The following C11orf65 variants were observed in gnomAD, a reference collection of about 807,000 sequenced individuals.
The protein encoded by C11orf65 is chromosome 11 open reading frame 65.
In C11orf65, 38 loss-of-function variants were observed where a neutral mutation model predicts 35.3. That is an observed-to-expected ratio of 1.08 (90% CI 0.83 to 1.41). The LOEUF (loss-of-function observed/expected upper bound fraction) is 1.41. Ranked by LOEUF, C11orf65 falls within the 40% of genes most tolerant of loss-of-function variation. The pLI is 0.00. For synonymous variants in C11orf65, 105 were observed against 114.4 expected (o/e 0.92, Z 0.53); for missense variants, 370 against 367.1 (o/e 1.01, Z -0.06).
intron 2 of C11orf65, among the ~76,000 whole-genome samples, chr11:108,447,114 A>C (rs948977023): frequency 3.9e-5 from 6 of 152,102 alleles, no homozygotes; most frequent in African/African-American, 1.5e-4. Context: ...CCAATACAGG[A>C]GCACCAAGAT....
At chr11:108,402,559 A>T (rs2092457376) in intron 6 of C11orf65, among the ~76,000 whole-genome samples, 1 of 148,644 alleles carries the variant, frequency 6.7e-6, no homozygotes, top group African/African-American at 2.5e-5. Context: ...CAGGTTTTTA[A>T]TTTTTTTTTT....
chr11:108,330,615 A>G (rs1299016351), downstream of C11orf65, among the ~76,000 whole-genome samples: 2 of 152,222 alleles, frequency 1.3e-5, no homozygotes, highest in Non-Finnish European at 2.9e-5. Context: ...TCTTGTTTCT[A>G]CAAAAGTTCC....
chr11:108,334,924 A>G, intron 3 of C11orf65: 1 of 1,578,958 alleles, frequency 6.3e-7, no homozygotes, highest in Non-Finnish European at 8.7e-7. Context: ...TTAAGTGCAA[A>G]TAGTGTATCT....
At chr11:108,344,542 C>G (rs925997844) in intron 2 of C11orf65, among the ~76,000 whole-genome samples, 3 of 152,076 alleles carry the variant, frequency 2.0e-5, no homozygotes, top group Non-Finnish European at 2.9e-5. Flanking sequence ...ATCAGACTTG[C>G]ATTTTAGAAA....
intron 2 of C11orf65, chr11:108,347,169 T>C: frequency 2.3e-6 from 2 of 887,314 alleles, no homozygotes; most frequent in Non-Finnish European, 3.7e-6. Context: ...CTAAAAATCC[T>C]AAACTACTTA....
At chr11:108,354,440 A>T (rs1276236854) in intron 2 of C11orf65, among the ~76,000 whole-genome samples, 1 of 152,202 alleles carries the variant, frequency 6.6e-6, no homozygotes, top group Admixed American at 6.5e-5. Flanking sequence ...AAAGCTTTGC[A>T]GTTCCTTGTA....
At chr11:108,359,110 G>A (rs1375517834) in intron 2 of C11orf65, among the ~76,000 whole-genome samples, 3 of 148,734 alleles carry the variant, frequency 2.0e-5, no homozygotes, top group Non-Finnish European at 4.5e-5. Flanking sequence ...GATCTACCAA[G>A]CAAATGGAAA....
downstream of C11orf65, among the ~76,000 whole-genome samples, chr11:108,330,777 G>A (rs2086167644): frequency 6.6e-6 from 1 of 152,160 alleles, no homozygotes; most frequent in African/African-American, 2.4e-5. Context: ...TAAAGATGAT[G>A]TGATCACAGG....
At chr11:108,425,471 C>A (rs2138963145) in intron 3 of C11orf65, among the ~76,000 whole-genome samples, 1 of 152,256 alleles carries the variant, frequency 6.6e-6, no homozygotes, top group Admixed American at 6.5e-5. Flanking sequence ...CCCTGATAGA[C>A]CAATAACAAG....
chr11:108,322,350 C>T (rs568130764), intron 6 of C11orf65, among the ~76,000 whole-genome samples: 4 of 152,084 alleles, frequency 2.6e-5, no homozygotes, highest in Non-Finnish European at 4.4e-5. Context: ...GACGGGGTTT[C>T]GCCTTGTTGG....
intron 3 of C11orf65, among the ~76,000 whole-genome samples, chr11:108,409,578 G>A (rs1461322589): frequency 6.6e-6 from 1 of 152,126 alleles, no homozygotes; most frequent in African/African-American, 2.4e-5. Flanking sequence ...GTGGCAGCAA[G>A]CCACAGCTTC....
intron 2 of C11orf65, among the ~76,000 whole-genome samples, chr11:108,441,874 G>A (rs1013064109): frequency 6.6e-6 from 1 of 152,214 alleles, no homozygotes; most frequent in African/African-American, 2.4e-5. Context: ...GGAGAAACCA[G>A]AGCAGAAAAG....
chr11:108,390,679 T>A (rs1422810252), intron 7 of C11orf65, among the ~76,000 whole-genome samples: 1 of 152,148 alleles, frequency 6.6e-6, no homozygotes, highest in Non-Finnish European at 1.5e-5. Context: ...CAGCAATTTT[T>A]ACTCTTAGGA....
intron 3 of C11orf65, among the ~76,000 whole-genome samples, chr11:108,420,290 A>T (rs11212621): frequency 6.6e-6 from 1 of 152,120 alleles, no homozygotes; most frequent in Non-Finnish European, 1.5e-5. Context: ...TGCTTATATG[A>T]AGTTTGAGTG....
In C11orf65 at chr11:108,347,266, C is replaced by G. The variant is rs2137077094; in HGVS notation, c.227-11974G>C. On this transcript the variant is annotated intron_variant, in intron 2 of 3. Transcript: ENST00000524755. The stretch of plus-strand genomic sequence containing the variant: ...ATCAGTGATTTCAGATTGTTTGTTT[C>G]TTTTTTCTCCAGTTGGTTACATACT... The G allele has an allele frequency of 6.3e-7, 1 of 1,579,106 alleles. No homozygotes were observed. Among genetic ancestry groups the G allele is most frequent in the Middle Eastern group, 1.7e-4 (1 of 6,000 alleles).
rs730881278 is a variant in C11orf65, at chr11:108,345,856, T to C, written c.227-10564A>G. The C allele has an allele frequency of 1.4e-5, 23 of 1,613,738 alleles. No individual in the cohort carries two copies. The Middle Eastern group carries it at 1.2e-3, about 81-fold the overall frequency. On this transcript the variant is annotated intron_variant, in intron 2 of 3. Transcript: ENST00000524755. ...TGGAAAAATTCTTGGATCCAGCTAT[T>C]TGGTTTGAGAAGCGATTGGCTTATA...
chr11:108,322,017 A>T (rs1172350376), intron 6 of C11orf65, among the ~76,000 whole-genome samples: 1 of 152,038 alleles, frequency 6.6e-6, no homozygotes, highest in East Asian at 1.9e-4. Context: ...GCATGATAAC[A>T]CTCCATTCAG....
chr11:108,372,756 T>C (rs1026305954), intron 2 of C11orf65, among the ~76,000 whole-genome samples: 50 of 152,190 alleles, frequency 3.3e-4, no homozygotes, highest in African/African-American at 1.1e-3. Flanking sequence ...ATAACCCATT[T>C]TATGAAGCCA....
chr11:108,427,501 C>T (rs545280531), intron 3 of C11orf65, among the ~76,000 whole-genome samples: 4 of 151,406 alleles, frequency 2.6e-5, no homozygotes, highest in African/African-American at 4.8e-5. Context: ...AGGCGGATCA[C>T]GAGGTCAGGA....
Sources: gnomAD v4.1 joint callset for allele counts (sites outside exome capture counted in the v4.1 genomes callset) on GRCh38, gnomAD v4.1.1 for gene constraint, MANE v1.5 for transcripts, NCBI Gene and HGNC (gene_info 2026-07-23, HGNC 2026-07-21) for gene names.